Variants in ATXN7L3 observed in about 807,000 individuals in gnomAD.
ATXN7L3 encodes the protein ataxin 7 like 3.
A neutral mutation model predicts 50.0 loss-of-function variants in ATXN7L3; 6 were observed. The observed-to-expected ratio is 0.12, with a 90% CI of 0.07 to 0.24. ATXN7L3 has a LOEUF of 0.24. Among genes scored for constraint, ATXN7L3 ranks in the 10% least tolerant of loss-of-function variants. ATXN7L3 has a pLI of 1.00. For missense variants in ATXN7L3, 322 were observed against 451.3 expected, an observed-to-expected ratio of 0.71 and a Z score of 2.60; for synonymous variants, 198 against 165.8, an observed-to-expected ratio of 1.19 and a Z score of -1.49.
Position 44,194,519 on chromosome 17 carries a change from A to C in ATXN7L3, c.893T>G (p.Leu298Arg). The C allele has an allele frequency of 6.2e-7, 1 of 1,613,672 alleles. No homozygotes were observed. The highest frequency in any genetic ancestry group is 1.1e-5 in the South Asian group (1 of 91,076). The change falls in exon 12 of 13, where the codon CTA becomes CGA. Residue 298 changes from leucine (L) to arginine (R), a missense_variant and splice_region_variant. By Grantham distance (102) the Leu-to-Arg change is moderately radical. Coordinates refer to ENST00000587097, the MANE Select transcript of ATXN7L3 (RefSeq NM_001382309.1). ...SKTSENQGWGLGTNSSESRKT... is the reference protein window; with the variant it reads ...SKTSENQGWGRGTNSSESRKT... ...TAGGGCCCAACTGCATCACGTACCT[A>C]GACCCCATCCCTGATTTTCACTCGT...
In ATXN7L3 at chr17:44,194,148, ACCAAGCTTC is replaced by A. The variant is rs894044980; in HGVS notation, c.*106_*114del. 1.7e-5 allele frequency: 24 copies of A among 1,413,574 alleles called. No homozygotes were observed. The highest frequency in any genetic ancestry group is 2.2e-5 in the Non-Finnish European group (23 of 1,045,966). 87.6% of individuals were successfully genotyped at this position (1,413,574 alleles called of 1,614,324 possible). A position where few individuals can be genotyped will look rare whatever the true frequency, so the allele number is the denominator to read the frequency against. Reference sequence around the variant, plus strand: ...ATCGGATCCTCTGCCTGCCTGGCCCACCAAGCTTCCCAAGCCCCAACCCCCAGCAGCCGT... The same window carrying A: ...ATCGGATCCTCTGCCTGCCTGGCCCACCAAGCCCCAACCCCCAGCAGCCGT... On this transcript the variant is annotated 3_prime_UTR_variant, in exon 13 of 13. Coordinates refer to ENST00000587097, the MANE Select transcript of ATXN7L3 (RefSeq NM_001382309.1).
chr17:44,198,946 AGGAGCTGCC>A (rs2056031183), intron 1 of ATXN7L3: 1 of 152,534 alleles, frequency 6.6e-6, no homozygotes, highest in Non-Finnish European at 1.5e-5. Context: ...TACGAGTTTC[AGGAGCTGCC>A]GGCCTAGAGT....
In ATXN7L3 at chr17:44,191,873, A is replaced by G. The variant is rs2055656827; in HGVS notation, c.*2390T>C. 1 of 347,580 alleles carries G rather than the reference A, an allele frequency of 2.9e-6. No homozygotes were observed. The highest frequency in any genetic ancestry group is 4.0e-6 in the Non-Finnish European group (1 of 247,202). The allele number at this position is 347,580 out of a possible 1,614,324, so 21.5% of individuals were successfully genotyped here. On this transcript the variant is annotated 3_prime_UTR_variant, in exon 13 of 13. Transcript: ENST00000587097. ...GCAGAGGGAATACACAGCGTTTACA[A>G]AGTTAGCTACCTGTACAGAATGGAT...
At chr17:44,197,485 T>A in intron 3 of ATXN7L3, 86 bp from the exon 4 acceptor site, 9 of 1,578,868 alleles carry the variant, frequency 5.7e-6, no homozygotes, top group Non-Finnish European at 6.9e-6. Flanking sequence ...CTTCAATCCC[T>A]CCCCCGGCTC....
intron 9 of ATXN7L3, 127 bp downstream of exon 9, chr17:44,195,292 C>A: frequency 7.3e-7 from 1 of 1,367,990 alleles, no homozygotes; most frequent in Non-Finnish European, 1.0e-6. Flanking sequence ...GCCGGGAAAC[C>A]TAATTCCAGA....
chr17:44,195,623 C>G (rs1264571634), intron 8 of ATXN7L3, 136 bp from the exon 9 acceptor site: 23 of 1,212,238 alleles, frequency 1.9e-5, no homozygotes, highest in Non-Finnish European at 2.6e-5. Flanking sequence ...CAAGTGATTT[C>G]TCTCATCCCA....
rs1468132135 is a variant in ATXN7L3, at chr17:44,193,673, G to A, written c.*590C>T. 1.6e-4 allele frequency: 24 copies of A among 152,680 alleles called. No individual in the cohort carries two copies. Among genetic ancestry groups the A allele is most frequent in the Admixed American group, 1.6e-3 (24 of 15,312 alleles). 9.5% of individuals were successfully genotyped at this position (152,680 alleles called of 1,614,324 possible). A position where few individuals can be genotyped will look rare whatever the true frequency, so the allele number is the denominator to read the frequency against. ...GCTGCCCCTGTGAGGGGCAGGGAAG[G>A]TGGCGGCAGTTCTGGACGCCCACCT... On this transcript the variant is annotated 3_prime_UTR_variant, in exon 13 of 13. Coordinates refer to ENST00000587097, the MANE Select transcript of ATXN7L3 (RefSeq NM_001382309.1).
Position 44,194,338 on chromosome 17 carries a change from G to A in ATXN7L3, c.969C>T (p.Gly323=). 1 of 1,614,228 alleles carries A rather than the reference G, an allele frequency of 6.2e-7. No homozygotes were observed. Among genetic ancestry groups the A allele is most frequent in the Non-Finnish European group, 8.5e-7 (1 of 1,180,042 alleles). ...GCTTCTTCTTCTTGTTGGAACCTAG[G>A]CCGGAGGCAGTCCCTACCAGGCTCA... ...SHLSLVGTAS[G]LGSNKKKKPK... The change falls in exon 13 of 13, where the codon GGC becomes GGT. Residue 323 remains glycine (G), a synonymous_variant. Coordinates refer to ENST00000587097, the MANE Select transcript of ATXN7L3 (RefSeq NM_001382309.1).
chr17:44,197,805 C>T lies in ATXN7L3; in HGVS notation c.52-75G>A, dbSNP rs539657089. The T allele has an allele frequency of 3.4e-5, 55 of 1,595,436 alleles. No homozygotes were observed. In the African/African-American group the frequency reaches 6.5e-4, roughly 19 times the overall value. Reference sequence around the variant, plus strand: ...GACTCTCACCAACCAAATCTGCTGCCAACTGGCCCCAGCCAAAAATCATGC... The same window carrying T: ...GACTCTCACCAACCAAATCTGCTGCTAACTGGCCCCAGCCAAAAATCATGC... On this transcript the variant is annotated intron_variant, in intron 2 of 12. Transcript: ENST00000587097.
At chr17:44,196,875 C>T (rs1366587011) in intron 5 of ATXN7L3, 54 bp downstream of exon 5, 3 of 1,336,036 alleles carry the variant, frequency 2.2e-6, no homozygotes, top group Non-Finnish European at 3.2e-6. Context: ...ATACCCAATT[C>T]CTGCTTCCCA....
chr17:44,195,276 C>T, intron 9 of ATXN7L3, 136 bp from the exon 10 acceptor site: 1 of 1,344,020 alleles, frequency 7.4e-7, no homozygotes. Context: ...TCCCAGGACA[C>T]TATGGGCCGG....
intron 6 of ATXN7L3, 147 bp from the exon 7 acceptor site, chr17:44,196,226 T>TGCCCCCCC: frequency 5.4e-6 from 4 of 737,668 alleles, no homozygotes; most frequent in Non-Finnish European, 6.4e-6. Flanking sequence ...CCATGTGCCC[T>TGCCCCCCC]CCCCCACCCC....
chr17:44,195,613 C>A, intron 8 of ATXN7L3, 126 bp from the exon 9 acceptor site: 2 of 1,233,160 alleles, frequency 1.6e-6, no homozygotes, highest in Admixed American at 1.9e-5. Context: ...TGCCGTTTTC[C>A]AAGTGATTTC....
chr17:44,196,777 C>T, intron 5 of ATXN7L3, 152 bp downstream of exon 5: 1 of 234,438 alleles, frequency 4.3e-6, no homozygotes, highest in Non-Finnish European at 7.4e-6. Context: ...GAATCCATCT[C>T]AAAAAAAAAA....
chr17:44,196,227 C>T (rs1398119209), intron 6 of ATXN7L3, 148 bp from the exon 7 acceptor site: 6 of 629,348 alleles, frequency 9.5e-6, no homozygotes, highest in South Asian at 7.3e-5. Flanking sequence ...CATGTGCCCT[C>T]CCCCACCCCC....
chr17:44,196,777 C>CAA (rs34885873), intron 5 of ATXN7L3, 152 bp downstream of exon 5: 40,417 of 225,464 alleles, frequency 0.18, 2,894 homozygotes, highest in African/African-American at 0.37. Flanking sequence ...GAATCCATCT[C>CAA]AAAAAAAAAA....
chr17:44,197,206 C>G (rs141852522), intron 4 of ATXN7L3, 22 bp downstream of exon 4: 4 of 1,579,354 alleles, frequency 2.5e-6, no homozygotes, highest in Non-Finnish European at 2.6e-6. Context: ...CTGCAGAGAA[C>G]GGGCAGCTCT....
chr17:44,196,258 C>T (rs1314952863), intron 6 of ATXN7L3, 138 bp downstream of exon 6: 29 of 1,050,382 alleles, frequency 2.8e-5, no homozygotes, highest in Non-Finnish European at 3.1e-5. Context: ...CACACTCCCC[C>T]GCCCCGGACC....
At chr17:44,196,127 G>T in intron 6 of ATXN7L3, 48 bp from the exon 7 acceptor site, 1 of 1,578,500 alleles carries the variant, frequency 6.3e-7, no homozygotes. Context: ...ACGAAAAGGG[G>T]GAGCCGAGAA....
Sources: allele counts gnomAD v4.1 joint callset, GRCh38; gene constraint gnomAD v4.1.1; transcripts MANE v1.5; gene names NCBI Gene and HGNC (gene_info 2026-07-23, HGNC 2026-07-21).